Variants in ZNG1E observed in about 807,000 individuals in gnomAD.
ZNG1E encodes the protein zinc-regulated GTPase metalloprotein activator 1E.
the ZNG1E span, among the ~76,000 whole-genome samples, chr9:65,686,807 A>G: frequency 6.6e-6 from 1 of 152,200 alleles, no homozygotes; most frequent in Admixed American, 6.5e-5. Flanking sequence ...AATCTTGTGA[A>G]CCAACCTCTG....
the ZNG1E span, among the ~76,000 whole-genome samples, chr9:65,664,170 ATCTT>A: frequency 1.3e-5 from 2 of 151,926 alleles, no homozygotes; most frequent in Admixed American, 6.6e-5. Context: ...GTAATACTCT[ATCTT>A]TCTGTTATAA....
chr9:65,710,992 G>C, the ZNG1E span, among the ~76,000 whole-genome samples: 51 of 145,490 alleles, frequency 3.5e-4, no homozygotes, highest in East Asian at 9.4e-3. Context: ...CATGAGCATG[G>C]AATGTTCTTC....
chr9:65,657,742 G>T, the ZNG1E span, among the ~76,000 whole-genome samples: 2 of 152,382 alleles, frequency 1.3e-5, no homozygotes, highest in East Asian at 1.9e-4. Context: ...CACAAAAAAA[G>T]GATAAATGCT....
the ZNG1E span, among the ~76,000 whole-genome samples, chr9:65,658,898 T>C: frequency 4.1e-3 from 618 of 150,600 alleles, no homozygotes; most frequent in African/African-American, 0.015. Context: ...ACCAGTCATA[T>C]TAGGTTAAGA....
the ZNG1E span, among the ~76,000 whole-genome samples, chr9:65,694,591 A>T: frequency 6.6e-6 from 1 of 151,960 alleles, no homozygotes; most frequent in East Asian, 1.9e-4. Context: ...TCTAAGTCGG[A>T]TGCCAGATAA....
At chr9:65,684,234 C>T in the ZNG1E span, among the ~76,000 whole-genome samples, 8 of 152,060 alleles carry the variant, frequency 5.3e-5, no homozygotes, top group Admixed American at 6.6e-5. Flanking sequence ...AATCATCTCA[C>T]TATTGTGATA....
chr9:65,705,031 TGAC>T, the ZNG1E span: 1 of 149,600 alleles, frequency 6.7e-6, no homozygotes, highest in South Asian at 2.1e-4. Flanking sequence ...ATTTTGTAGC[TGAC>T]AAGTACTGAC....
chr9:65,673,488 A>G, the ZNG1E span, among the ~76,000 whole-genome samples: 3 of 151,434 alleles, frequency 2.0e-5, no homozygotes, highest in Admixed American at 1.3e-4. Context: ...CAATGTGTAA[A>G]ACTTATTTTG....
At chr9:65,703,947 A>G in the ZNG1E span, 4 of 808,794 alleles carry the variant, frequency 4.9e-6, no homozygotes, top group Non-Finnish European at 5.6e-6. Flanking sequence ...ACAACCATAC[A>G]CCAAATGTGC....
At chr9:65,671,223 T>A in the ZNG1E span, among the ~76,000 whole-genome samples, 1 of 151,142 alleles carries the variant, frequency 6.6e-6, no homozygotes, top group Non-Finnish European at 1.5e-5. Flanking sequence ...CTTTTTATCA[T>A]CATAAATAGA....
chr9:65,658,448 A>G, the ZNG1E span, among the ~76,000 whole-genome samples: 6 of 151,864 alleles, frequency 4.0e-5, no homozygotes, highest in East Asian at 9.6e-4. Context: ...GACTAAAATA[A>G]GAAGTCCAAC....
the ZNG1E span, among the ~76,000 whole-genome samples, chr9:65,715,059 G>A: frequency 1.4e-4 from 21 of 149,402 alleles, 3 homozygotes; most frequent in African/African-American, 5.3e-4. Context: ...GACTCCGTGG[G>A]CGTGGGACTC....
chr9:65,664,668 C>T, the ZNG1E span, among the ~76,000 whole-genome samples: 1 of 151,262 alleles, frequency 6.6e-6, no homozygotes, highest in African/African-American at 2.4e-5. Context: ...GTGGAAGAAA[C>T]TTTGGAACTG....
the ZNG1E span, among the ~76,000 whole-genome samples, chr9:65,714,634 T>C: frequency 6.6e-6 from 1 of 152,234 alleles, no homozygotes; most frequent in Admixed American, 6.5e-5. Flanking sequence ...TCTGTTGGAG[T>C]ACCCGGCCGT....
chr9:65,707,689 AG>A, the ZNG1E span: 1 of 95,388 alleles, frequency 1.0e-5, no homozygotes, highest in South Asian at 4.4e-4. Flanking sequence ...TGTGCATTAA[AG>A]AAAAAAAAAT....
chr9:65,666,784 G>A, the ZNG1E span, among the ~76,000 whole-genome samples: 2,025 of 151,102 alleles, frequency 0.013, 3 homozygotes, highest in African/African-American at 0.047. Flanking sequence ...AAAGCATATA[G>A]ATTAATAATA....
the ZNG1E span, chr9:65,675,974 G>T: frequency 2.5e-6 from 4 of 1,609,726 alleles, no homozygotes; most frequent in South Asian, 4.4e-5. Flanking sequence ...GCCGTAGGCC[G>T]GAATGTTACC....
the ZNG1E span, chr9:65,706,969 T>A: frequency 3.1e-5 from 4 of 130,002 alleles, no homozygotes; most frequent in Admixed American, 1.6e-4. Context: ...CTTCATTCAT[T>A]TGGTTTATTT....
the ZNG1E span, among the ~76,000 whole-genome samples, chr9:65,686,703 A>G: frequency 6.6e-6 from 1 of 152,274 alleles, no homozygotes; most frequent in Admixed American, 6.5e-5. Context: ...GAATGATGTT[A>G]GCTACATCTT....
Sources: allele counts gnomAD v4.1 joint callset (sites outside exome capture counted in the v4.1 genomes callset), GRCh38; gene constraint gnomAD v4.1.1; transcripts MANE v1.5; gene names NCBI Gene and HGNC (gene_info 2026-07-23, HGNC 2026-07-21).